TSPEAR: variants seen among roughly 807,000 people sequenced by gnomAD.
TSPEAR encodes the protein thrombospondin type laminin G domain and EAR repeats.
In TSPEAR, 69 loss-of-function variants were observed where a neutral mutation model predicts 71.6. The observed-to-expected ratio is 0.96, with a 90% confidence interval of 0.79 to 1.18. The LOEUF (loss-of-function observed/expected upper bound fraction) is 1.18. TSPEAR is among the 50% of genes most tolerant of loss of function. The pLI is 0.00. For synonymous variants in TSPEAR, 402 were observed against 387.2 expected, an observed-to-expected ratio of 1.04 and a Z score of -0.45; for missense variants, 971 against 894.9, an observed-to-expected ratio of 1.09 and a Z score of -1.09.
intron 1 of TSPEAR, chr21:44,676,003 CT>C: frequency 1.2e-6 from 1 of 838,918 alleles, no homozygotes; most frequent in Non-Finnish European, 2.1e-6. Context: ...TGGATTCTCC[CT>C]TCAGCTGATT....
intron 1 of TSPEAR, among the ~76,000 whole-genome samples, chr21:44,689,388 GCTACTCAGGAGGCTGAGGCAGGA>G (rs1269045177): frequency 6.6e-6 from 1 of 151,752 alleles, no homozygotes; most frequent in Admixed American, 6.6e-5. Flanking sequence ...TGTAGTCCCA[GCTACTCAGGAGGCTGAGGCAGGA>G]GAATGGCGTG....
At chr21:44,508,622 G>A (rs908126734) in intron 10 of TSPEAR, 51 of 1,181,814 alleles carry the variant, frequency 4.3e-5, no homozygotes, top group East Asian at 2.4e-4. Flanking sequence ...TGGTGCCCAC[G>A]CAACCTCCTG....
chr21:44,685,695 T>C (rs1394377845), intron 1 of TSPEAR, among the ~76,000 whole-genome samples: 1 of 152,214 alleles, frequency 6.6e-6, no homozygotes, highest in East Asian at 1.9e-4. Context: ...CCCAGCTGGT[T>C]CAGGACTTCA....
intron 1 of TSPEAR, among the ~76,000 whole-genome samples, chr21:44,669,630 G>A (rs1308008510): frequency 3.3e-5 from 5 of 152,060 alleles, no homozygotes; most frequent in Non-Finnish European, 7.4e-5. Context: ...GCTGAAAACC[G>A]AGACCATGAC....
In TSPEAR at chr21:44,567,919, G is replaced by C; in HGVS notation, c.169C>G (p.Arg57Gly). The C allele has an allele frequency of 6.2e-7, 1 of 1,605,376 alleles. No homozygotes were observed. Among genetic ancestry groups the C allele is most frequent in the South Asian group, 1.1e-5 (1 of 89,758 alleles). ...GIRIVQVHGA[R>G]GLQLSVAAPR... is the part of the protein sequence containing the mutation. ...GCGGCTACTGAGAGCTGGAGTCCCC[G>C]TGCACCGTGAACCTGAACTATCCTG... The change falls in exon 2 of 12, where the codon CGG becomes GGG. Residue 57 changes from arginine (R) to glycine (G), a missense_variant. By Grantham distance (125) the Arg-to-Gly change is moderately radical. Transcript: ENST00000323084.
intron 9 of TSPEAR, among the ~76,000 whole-genome samples, chr21:44,514,257 G>C (rs992609070): frequency 2.0e-5 from 3 of 152,214 alleles, no homozygotes; most frequent in Non-Finnish European, 4.4e-5. Context: ...GCTCCTGCCT[G>C]TTTTTCTAAG....
intron 1 of TSPEAR, chr21:44,702,844 A>C: frequency 4.4e-6 from 4 of 915,274 alleles, no homozygotes; most frequent in Non-Finnish European, 6.8e-6. Context: ...GTTCCCCCCA[A>C]CCTCTCCCAC....
chr21:44,579,811 G>A (rs781829712), intron 1 of TSPEAR: 22 of 1,609,670 alleles, frequency 1.4e-5, no homozygotes, highest in Non-Finnish European at 1.7e-6. Context: ...GGGACACGCA[G>A]GAGGCCGGGC....
intron 9 of TSPEAR, among the ~76,000 whole-genome samples, chr21:44,512,076 G>A (rs892339258): frequency 6.6e-6 from 1 of 152,234 alleles, no homozygotes; most frequent in African/African-American, 2.4e-5. Context: ...GCAGGGAAGG[G>A]TATCCAGGCA....
chr21:44,649,774 C>T (rs1333805872), intron 1 of TSPEAR, among the ~76,000 whole-genome samples: 2 of 152,172 alleles, frequency 1.3e-5, no homozygotes, highest in African/African-American at 4.8e-5. Flanking sequence ...TGGGCTGTGT[C>T]CTGAAGAGGC....
chr21:44,656,556 C>G (rs781810311), intron 1 of TSPEAR, among the ~76,000 whole-genome samples: 17 of 152,164 alleles, frequency 1.1e-4, no homozygotes, highest in Non-Finnish European at 2.5e-4. Context: ...CTTGCAAGAA[C>G]CTTATACCTT....
At position 44,574,698 on chromosome 21, in the gene TSPEAR, C is replaced by T. The variant is rs781999404; in HGVS notation, c.83-6693G>A. On this transcript the variant is annotated intron_variant, in intron 1 of 11. Transcript: ENST00000323084. Reference sequence around the variant, plus strand: ...AGCTTGCTGCACCTCCTCCCAAAGCCAGCAGGGCTGCTGCGTGCCCGTCTG... The same window carrying T: ...AGCTTGCTGCACCTCCTCCCAAAGCTAGCAGGGCTGCTGCGTGCCCGTCTG... 6 of 1,608,514 alleles carry T rather than the reference C, an allele frequency of 3.7e-6. No individual in the cohort carries two copies. In the African/African-American group the frequency reaches 6.7e-5, roughly 18 times the overall value.
chr21:44,510,445 C>T (rs1208918019), intron 9 of TSPEAR, among the ~76,000 whole-genome samples: 1 of 152,340 alleles, frequency 6.6e-6, no homozygotes, highest in Non-Finnish European at 1.5e-5. Context: ...TTTCTATTTG[C>T]CCAAATCGAC....
At chr21:44,661,709 G>A (rs1039390661) in intron 1 of TSPEAR, among the ~76,000 whole-genome samples, 2 of 152,198 alleles carry the variant, frequency 1.3e-5, no homozygotes, top group Non-Finnish European at 2.9e-5. Context: ...TACAAGCACT[G>A]TGGAAGGTGA....
chr21:44,591,303 C>T, intron 1 of TSPEAR: 2 of 1,510,158 alleles, frequency 1.3e-6, no homozygotes, highest in South Asian at 2.6e-5. Flanking sequence ...CTGAGGGTGT[C>T]AAAGCCAGAG....
chr21:44,613,965 G>A (rs781824998), intron 1 of TSPEAR, among the ~76,000 whole-genome samples: 4 of 152,128 alleles, frequency 2.6e-5, no homozygotes, highest in Admixed American at 6.5e-5. Context: ...GGGTCCACAC[G>A]GCTCCAGCTC....
At chr21:44,681,403 C>A (rs1245243123) in intron 1 of TSPEAR, among the ~76,000 whole-genome samples, 1 of 152,186 alleles carries the variant, frequency 6.6e-6, no homozygotes, top group African/African-American at 2.4e-5. Flanking sequence ...CCCCAGGAGC[C>A]CTGGGAGAGA....
At chr21:44,656,827 C>T (rs1232397474) in intron 1 of TSPEAR, among the ~76,000 whole-genome samples, 2 of 152,102 alleles carry the variant, frequency 1.3e-5, no homozygotes, top group Non-Finnish European at 2.9e-5. Flanking sequence ...TCAGTACTGT[C>T]TCATATGTCT....
Position 44,689,712 on chromosome 21 carries a change from A to AATGAATATATATATATATATATATAT in TSPEAR, c.82+21720_82+21721insATATATATATATATATATATATTCAT, listed in dbSNP as rs781858508. Among the ~76,000 whole-genome samples, 271 of 61,992 alleles carry AATGAATATATATATATATATATATAT rather than the reference A, an allele frequency of 4.4e-3. 19 individuals carry two copies. The highest frequency in any genetic ancestry group is 5.0e-3 in the Non-Finnish European group (174 of 35,096). 40.7% of individuals were successfully genotyped at this position (61,992 alleles called of 152,430 possible). A position where few individuals can be genotyped will look rare whatever the true frequency, so the allele number is the denominator to read the frequency against. On this transcript the variant is annotated intron_variant, in intron 1 of 11. Coordinates refer to ENST00000323084, the MANE Select transcript of TSPEAR (RefSeq NM_144991.3). ...TCCCTTAGAGGGACAGAATAGAATG[A>AATGAATATATATATATATATATATAT]ATATATATATATATATATATATATA...
Sources: allele counts gnomAD v4.1 joint callset (sites outside exome capture counted in the v4.1 genomes callset), GRCh38; gene constraint gnomAD v4.1.1; transcripts MANE v1.5; gene names NCBI Gene and HGNC (gene_info 2026-07-23, HGNC 2026-07-21).